NXPE4: variants seen among roughly 807,000 people sequenced by gnomAD.
The protein encoded by NXPE4 is NXPE family member 4.
NXPE4 carries 42 observed loss-of-function variants against 33.3 expected under a neutral mutation model. The observed-to-expected ratio is 1.26, with a 90% CI of 0.98 to 1.63. The LOEUF (loss-of-function observed/expected upper bound fraction) is 1.63, where lower values mean the gene tolerates loss of function less well. NXPE4 is among the 40% of genes most tolerant of loss of function. The pLI is 0.00. For missense variants in NXPE4, 709 were observed against 647.6 expected (o/e 1.09, Z -1.03); for synonymous variants, 253 against 234.9 (o/e 1.08, Z -0.71).
intron 5 of NXPE4, among the ~76,000 whole-genome samples, chr11:114,573,274 G>T (rs1948930487): frequency 6.6e-6 from 1 of 151,916 alleles, no homozygotes. Context: ...ATTCTCAAAG[G>T]ACCTACATGA....
At chr11:114,630,401 T>C in the NXPE4 span, among the ~76,000 whole-genome samples, 1 of 151,706 alleles carries the variant, frequency 6.6e-6, no homozygotes, top group East Asian at 1.9e-4. Flanking sequence ...TTGAGAAACC[T>C]GAGAAAAACA....
At chr11:114,641,062 C>A in the NXPE4 span, among the ~76,000 whole-genome samples, 1 of 151,802 alleles carries the variant, frequency 6.6e-6, no homozygotes, top group Non-Finnish European at 1.5e-5. Flanking sequence ...GAAAGAAGAA[C>A]CAGTTGAAGT....
chr11:114,601,901 A>AG, the NXPE4 span, among the ~76,000 whole-genome samples: 2 of 43,538 alleles, frequency 4.6e-5, no homozygotes, highest in African/African-American at 1.4e-4. Flanking sequence ...TTATATTTAT[A>AG]TATATTATAT....
At position 114,582,488 on chromosome 11, in the gene NXPE4, AT is replaced by A. The variant is rs761232288; in HGVS notation, c.629del (p.Asn210MetfsTer12). On this transcript the variant is annotated frameshift_variant, in exon 3 of 6. Coordinates refer to ENST00000375478, the MANE Select transcript of NXPE4 (RefSeq NM_001077639.2). LOFTEE classifies it high-confidence loss of function. ...DRVIFTGQFV[N>X]GTSQVHSECG... is the part of the protein sequence containing the mutation. ...ATTCAGAGTGGACTTGGGAAGTGCCATTGACAAACTGGCCAGTGAAGATCAC... is the reference window on the plus strand; with the variant it reads ...ATTCAGAGTGGACTTGGGAAGTGCCATGACAAACTGGCCAGTGAAGATCAC... 2.0e-5 allele frequency: 32 copies of A among 1,614,146 alleles called. No individual in the cohort carries two copies. The highest frequency in any genetic ancestry group is 2.6e-5 in the Non-Finnish European group (31 of 1,179,994).
chr11:114,607,936 G>T, the NXPE4 span, among the ~76,000 whole-genome samples: 11 of 151,910 alleles, frequency 7.2e-5, no homozygotes, highest in Admixed American at 6.6e-4. Flanking sequence ...ATTGCCTCAT[G>T]TCTAACCACT....
At chr11:114,641,455 A>G in the NXPE4 span, among the ~76,000 whole-genome samples, 2 of 152,058 alleles carry the variant, frequency 1.3e-5, no homozygotes, top group Admixed American at 1.3e-4. Context: ...AATATTTGAC[A>G]ATGAATAACA....
intron 5 of NXPE4, among the ~76,000 whole-genome samples, chr11:114,574,228 T>C (rs1261493931): frequency 6.6e-6 from 1 of 152,032 alleles, no homozygotes; most frequent in Non-Finnish European, 1.5e-5. Context: ...AAGAGGAAAG[T>C]TCATAGACTT....
the NXPE4 span, among the ~76,000 whole-genome samples, chr11:114,632,112 A>G: frequency 1.4e-5 from 2 of 144,600 alleles, no homozygotes; most frequent in African/African-American, 5.0e-5. Context: ...TAATATATAA[A>G]TTATATATTA....
chr11:114,608,142 G>A, the NXPE4 span, among the ~76,000 whole-genome samples: 1 of 151,610 alleles, frequency 6.6e-6, no homozygotes, highest in Non-Finnish European at 1.5e-5. Flanking sequence ...ATTGCCTCAT[G>A]GGTAACCAGA....
chr11:114,650,576 A>C, the NXPE4 span, among the ~76,000 whole-genome samples: 1 of 151,144 alleles, frequency 6.6e-6, no homozygotes, highest in Non-Finnish European at 1.5e-5. Context: ...GAAGTGAGAA[A>C]AAATCTACAC....
chr11:114,614,142 G>A, the NXPE4 span, among the ~76,000 whole-genome samples: 1 of 151,570 alleles, frequency 6.6e-6, no homozygotes, highest in Admixed American at 6.6e-5. Context: ...TGGATAATAA[G>A]TGCTGCCTCA....
the NXPE4 span, among the ~76,000 whole-genome samples, chr11:114,611,382 C>G: frequency 6.6e-6 from 1 of 151,744 alleles, no homozygotes; most frequent in African/African-American, 2.4e-5. Context: ...AGTGTTGCCT[C>G]GTGGGTAACC....
chr11:114,615,809 C>G, the NXPE4 span, among the ~76,000 whole-genome samples: 3 of 151,612 alleles, frequency 2.0e-5, no homozygotes, highest in Non-Finnish European at 4.4e-5. Context: ...ATAAGTATTG[C>G]ATCCTGGGTA....
chr11:114,596,205 A>G (rs1949570620), upstream of NXPE4, among the ~76,000 whole-genome samples: 1 of 152,212 alleles, frequency 6.6e-6, no homozygotes, highest in Admixed American at 6.5e-5. Context: ...AAGAACTTCA[A>G]ATATAACATA....
At chr11:114,655,160 T>G in the NXPE4 span, among the ~76,000 whole-genome samples, 1 of 152,244 alleles carries the variant, frequency 6.6e-6, no homozygotes, top group Admixed American at 6.5e-5. Context: ...TTGCCTATTT[T>G]TTGATAGGAT....
the NXPE4 span, among the ~76,000 whole-genome samples, chr11:114,673,346 T>C: frequency 1.3e-5 from 2 of 151,502 alleles, 1 homozygote; most frequent in Admixed American, 1.3e-4. Context: ...GATGGAAATT[T>C]GTGGCTGTTC....
the NXPE4 span, among the ~76,000 whole-genome samples, chr11:114,646,285 A>G: frequency 1.3e-5 from 2 of 151,580 alleles, no homozygotes; most frequent in African/African-American, 4.8e-5. Flanking sequence ...TTTTTCAAGA[A>G]TTTTTTTCAT....
At chr11:114,632,115 ATATAT>A in the NXPE4 span, among the ~76,000 whole-genome samples, 3 of 144,524 alleles carry the variant, frequency 2.1e-5, no homozygotes, top group African/African-American at 7.5e-5. Flanking sequence ...TATATAAATT[ATATAT>A]TATAATAAAA....
the NXPE4 span, among the ~76,000 whole-genome samples, chr11:114,623,156 G>A: frequency 6.6e-6 from 1 of 151,496 alleles, no homozygotes; most frequent in South Asian, 2.1e-4. Context: ...TGGGTAACCA[G>A]TGTTAACCGG....
Sources: allele counts gnomAD v4.1 joint callset (sites outside exome capture counted in the v4.1 genomes callset), GRCh38; gene constraint gnomAD v4.1.1; transcripts MANE v1.5; gene names NCBI Gene and HGNC (gene_info 2026-07-23, HGNC 2026-07-21).